Variants in SOBP observed in about 807,000 individuals in gnomAD.
SOBP encodes the protein sine oculis binding protein homolog, also known as sine oculis-binding protein homolog.
SOBP carries 4 observed loss-of-function variants against 53.6 expected under a neutral mutation model. That is an observed-to-expected ratio of 0.07 (90% CI 0.04 to 0.17). The LOEUF (loss-of-function observed/expected upper bound fraction) is 0.17. Ranked by LOEUF, SOBP falls within the 10% of genes least tolerant of loss-of-function variation. The pLI, the probability that SOBP is intolerant of heterozygous loss-of-function variation, is 1.00. For missense variants in SOBP, 1,088 were observed against 1,204.7 expected, an observed-to-expected ratio of 0.90 and a Z score of 1.43; for synonymous variants, 584 against 522.6, an observed-to-expected ratio of 1.12 and a Z score of -1.60.
chr6:107,509,652 G>A (rs555007412), intron 3 of SOBP, among the ~76,000 whole-genome samples: 1 of 152,258 alleles, frequency 6.6e-6, no homozygotes, highest in South Asian at 2.1e-4. Flanking sequence ...GGAGTTTCCT[G>A]CTGAGCCAGC....
At chr6:107,495,300 C>T (rs1052346191) in intron 1 of SOBP, among the ~76,000 whole-genome samples, 1 of 152,164 alleles carries the variant, frequency 6.6e-6, no homozygotes, top group East Asian at 1.9e-4. Flanking sequence ...GCCAAAGGCT[C>T]CAAGCTAAAC....
At chr6:107,548,199 A>G (rs188447341) in intron 4 of SOBP, among the ~76,000 whole-genome samples, 7 of 152,242 alleles carry the variant, frequency 4.6e-5, no homozygotes, top group East Asian at 3.9e-4. Flanking sequence ...CTCATGGCCT[A>G]CTGGCACCAG....
chr6:107,635,202 G>T lies in SOBP; in HGVS notation c.2358G>T (p.Ala786=), dbSNP rs774267637. 6.2e-7 allele frequency: 1 copy of T among 1,613,898 alleles called. No homozygotes were observed. Among genetic ancestry groups the T allele is most frequent in the South Asian group, 1.1e-5 (1 of 91,088 alleles). The change falls in exon 6 of 7, where the codon GCG becomes GCT. Residue 786 remains alanine, a synonymous_variant. Coordinates refer to ENST00000317357, the MANE Select transcript of SOBP (RefSeq NM_018013.4). The surrounding 1 kb of genome is among the most constrained non-coding windows in gnomAD (Gnocchi z 4.5). ...CCAACTGCCACCTGGACGGGGAGGC[G>T]GCCAAAAAGCTGATGGGCGAGGAGG... ...CASNCHLDGE[A]AKKLMGEEAL... is the part of the protein sequence containing the mutation.
At chr6:107,513,659 AAAT>A (rs1197023730) in intron 3 of SOBP, among the ~76,000 whole-genome samples, 3 of 151,950 alleles carry the variant, frequency 2.0e-5, no homozygotes, top group Non-Finnish European at 1.5e-5. Flanking sequence ...TATGATTATT[AAAT>A]AAAATTACCT....
At chr6:107,594,896 C>G (rs892322928) in intron 5 of SOBP, among the ~76,000 whole-genome samples, 5 of 152,240 alleles carry the variant, frequency 3.3e-5, no homozygotes, top group Non-Finnish European at 5.9e-5. Context: ...AGAGCTAGAG[C>G]TTGACCCACA....
At chr6:107,617,413 G>A (rs1648980872) in intron 5 of SOBP, among the ~76,000 whole-genome samples, 1 of 152,166 alleles carries the variant, frequency 6.6e-6, no homozygotes, top group South Asian at 2.1e-4. Context: ...AAAAGGCAGG[G>A]TAATTATTAT....
rs541688197 is a variant in SOBP, at chr6:107,635,075, AGCCGCC to A, written c.2247_2252del (p.Pro750_Pro751del). On this transcript the variant is annotated inframe_deletion, in exon 6 of 7. Transcript: ENST00000317357. This position sits in a 1 kb window ranked among gnomAD's most constrained non-coding sequence, Gnocchi z 4.5. ...AAGAGCGCGGAGCCGCCTCCCGAGC[AGCCGCC>A]GCCGCCGCCGCCGCCCGCGCCCCCC... is the stretch of plus-strand genomic sequence containing the variant. 1.8e-5 allele frequency: 28 copies of A among 1,564,766 alleles called. No individual in the cohort carries two copies. The highest frequency in any genetic ancestry group is 8.2e-5 in the African/African-American group (6 of 72,904).
chr6:107,653,294 C>G (rs1416532884), intron 6 of SOBP, among the ~76,000 whole-genome samples: 1 of 152,256 alleles, frequency 6.6e-6, no homozygotes, highest in East Asian at 1.9e-4. Context: ...GCAGGCGGCT[C>G]TGTTCATTGA....
At chr6:107,546,577 G>GTGCA (rs1180437094) in intron 4 of SOBP, among the ~76,000 whole-genome samples, 1 of 152,174 alleles carries the variant, frequency 6.6e-6, no homozygotes, top group Admixed American at 6.5e-5. Flanking sequence ...CTGCACTCAT[G>GTGCA]TGCACACAGA....
intron 5 of SOBP, among the ~76,000 whole-genome samples, chr6:107,619,065 A>T (rs1460669628): frequency 6.6e-6 from 1 of 152,168 alleles, no homozygotes; most frequent in Non-Finnish European, 1.5e-5. Context: ...GCCTGTTAAC[A>T]TGCGGAGGGG....
At chr6:107,587,697 C>T (rs540800116) in intron 5 of SOBP, among the ~76,000 whole-genome samples, 5 of 152,212 alleles carry the variant, frequency 3.3e-5, no homozygotes, top group African/African-American at 7.2e-5. Context: ...TGACAGGGTG[C>T]GGGGATGTTT....
intron 4 of SOBP, among the ~76,000 whole-genome samples, chr6:107,567,743 A>G (rs1179193008): frequency 6.6e-6 from 1 of 152,240 alleles, no homozygotes; most frequent in East Asian, 1.9e-4. Context: ...ACAGACTTTG[A>G]GGAAGTCATT....
intron 1 of SOBP, among the ~76,000 whole-genome samples, chr6:107,497,982 C>T (rs563723706): frequency 6.6e-6 from 1 of 152,274 alleles, no homozygotes; most frequent in Admixed American, 6.5e-5. Flanking sequence ...AGGGTGCTTA[C>T]TAATACTACA....
intron 3 of SOBP, 132 bp from the exon 4 acceptor site, chr6:107,533,326 AG>A: frequency 5.3e-6 from 4 of 748,428 alleles, no homozygotes; most frequent in Middle Eastern, 3.9e-4. Flanking sequence ...AGAGAGAGAA[AG>A]AAAAAGCACT....
rs934218677 is a variant in SOBP, at chr6:107,635,882, G to T, written c.*3+413G>T. Among the ~76,000 whole-genome samples, 12 of 152,244 alleles carry T rather than the reference G, an allele frequency of 7.9e-5. No homozygotes were observed. The highest frequency in any genetic ancestry group is 1.6e-4 in the Non-Finnish European group (11 of 68,040). On this transcript the variant is annotated intron_variant, in intron 6 of 6. Coordinates refer to ENST00000317357, the MANE Select transcript of SOBP (RefSeq NM_018013.4). This position sits in a 1 kb window ranked among gnomAD's most constrained non-coding sequence, Gnocchi z 4.5. The stretch of plus-strand genomic sequence containing the variant: ...CACCTAAATGTGTGATCATGAGGTT[G>T]CAGGGCAGTGGTGAAATGTCCAGTG...
chr6:107,622,049 A>C (rs773874483), intron 5 of SOBP, among the ~76,000 whole-genome samples: 1 of 152,200 alleles, frequency 6.6e-6, no homozygotes, highest in African/African-American at 2.4e-5. Context: ...AGTATAGGTA[A>C]AACAGTTGGC....
intron 3 of SOBP, among the ~76,000 whole-genome samples, chr6:107,509,335 G>A (rs549426465): frequency 5.9e-5 from 9 of 151,478 alleles, no homozygotes; most frequent in Non-Finnish European, 1.3e-4. Context: ...TGGAGGTTGC[G>A]GTGAGCCAAG....
chr6:107,649,432 G>A (rs1771707299), intron 6 of SOBP, among the ~76,000 whole-genome samples: 1 of 150,858 alleles, frequency 6.6e-6, no homozygotes, highest in Admixed American at 6.6e-5. Context: ...AGCCATGATG[G>A]TGCCACTGCA....
chr6:107,537,967 C>T (rs1291374631), intron 4 of SOBP, among the ~76,000 whole-genome samples: 1 of 152,046 alleles, frequency 6.6e-6, no homozygotes, highest in Non-Finnish European at 1.5e-5. Context: ...ACAGAAACAA[C>T]ATTTGCAAAT....
Sources: gnomAD v4.1 joint callset for allele counts (sites outside exome capture counted in the v4.1 genomes callset) on GRCh38, gnomAD v4.1.1 for gene constraint, Gnocchi (gnomAD v3.1) non-coding constraint, MANE v1.5 for transcripts, NCBI Gene and HGNC (gene_info 2026-07-23, HGNC 2026-07-21) for gene names.